Variants in ARHGEF2 observed in about 807,000 individuals in gnomAD.
ARHGEF2 encodes Rho/Rac guanine nucleotide exchange factor 2.
ARHGEF2 carries 22 observed loss-of-function variants against 121.0 expected under a neutral mutation model. That is an observed-to-expected ratio of 0.18 (90% CI 0.13 to 0.26). The LOEUF (loss-of-function observed/expected upper bound fraction) is 0.26. ARHGEF2 is among the 10% of genes least tolerant of loss of function. ARHGEF2 has a pLI of 1.00. For missense variants in ARHGEF2, 907 were observed against 1,336.0 expected, an observed-to-expected ratio of 0.68 and a Z score of 5.01; for synonymous variants, 487 against 530.0, an observed-to-expected ratio of 0.92 and a Z score of 1.11.
rs1486098118 is a variant in ARHGEF2, at chr1:155,966,403, C to T, written c.340+13G>A. 2 of 1,614,032 alleles carry T rather than the reference C, an allele frequency of 1.2e-6. No individual in the cohort carries two copies. Among genetic ancestry groups the T allele is most frequent in the East Asian group, 2.2e-5 (1 of 44,888 alleles). ...GGGTCTTAGGGGACCTCCTCCACTC[C>T]CCAACTACTCACTCTTACTTCGAAG... On this transcript the variant is annotated intron_variant, in intron 4 of 21. Transcript: ENST00000361247.
rs753965944 is a variant in ARHGEF2, at chr1:155,965,695, C to T, written c.406G>A (p.Gly136Ser). 3.1e-5 allele frequency: 50 copies of T among 1,607,480 alleles called. No homozygotes were observed. The highest frequency in any genetic ancestry group is 4.1e-5 in the Non-Finnish European group (48 of 1,178,442). The change falls in exon 5 of 22, where the codon GGC becomes AGC. Residue 136 changes from glycine (G) to serine (S), a missense_variant. By Grantham distance (56) the Gly-to-Ser change is moderately conservative. Coordinates refer to ENST00000361247, the MANE Select transcript of ARHGEF2 (RefSeq NM_001162383.2). The surrounding 1 kb of genome is among the most constrained non-coding windows in gnomAD (Gnocchi z 6.0). ...AAGGAGGAGCGGCCACGGCGGGAGC[C>T]CAGGAGGGACTGCCGGAAGCTGTCG... is the stretch of plus-strand genomic sequence containing the variant. Reference protein sequence around the residue: ...PSDSFRQSLLGSRRGRSSLSL... With the variant: ...PSDSFRQSLLSSRRGRSSLSL...
rs1181488305 is a variant in ARHGEF2 at position 155,965,791 on chromosome 1, A to T, written c.341-31T>A. On this transcript the variant is annotated intron_variant, in intron 4 of 21. Transcript: ENST00000361247. The surrounding 1 kb of genome is among the most constrained non-coding windows in gnomAD (Gnocchi z 6.0). ...GGGGAGAGATGCCCAGCAGGCAAAC[A>T]TCAGACTCTGGTGCTTCCCAGGATT... The T allele has an allele frequency of 6.4e-7, 1 of 1,573,116 alleles. No homozygotes were observed. Among genetic ancestry groups the T allele is most frequent in the South Asian group, 1.2e-5 (1 of 86,188 alleles).
At chr1:155,957,136 C>G (rs1676859447) in intron 13 of ARHGEF2, among the ~76,000 whole-genome samples, 2 of 151,990 alleles carry the variant, frequency 1.3e-5, no homozygotes, top group African/African-American at 2.4e-5. Context: ...TTTTAAACAT[C>G]TTACCTGTGC....
In ARHGEF2 at chr1:155,962,704, A is replaced by C. The variant is rs1387347074; in HGVS notation, c.990T>G (p.Ser330Arg). 13 of 1,613,998 alleles carry C rather than the reference A, an allele frequency of 8.1e-6. No homozygotes were observed. Among genetic ancestry groups the C allele is most frequent in the Non-Finnish European group, 1.0e-5 (12 of 1,180,016 alleles). ...DLLISQFSGPSAEQMCKTYSE... is the reference protein window; with the variant it reads ...DLLISQFSGPRAEQMCKTYSE... ...AGTAGGTCTTACACATCTGCTCCGC[A>C]CTAGGACCTGAGAACTAGAAGTTGG... The change falls in exon 9 of 22, where the codon AGT becomes AGG. Residue 330 changes from serine (S) to arginine (R), a missense_variant. By Grantham distance (110) the Ser-to-Arg change is moderately radical (BLOSUM62 -1). Around this residue, in one of 2 missense-constraint regions of ARHGEF2, gnomAD observed 475 missense variants for 776.5 expected, o/e 0.61. Coordinates refer to ENST00000361247, the MANE Select transcript of ARHGEF2 (RefSeq NM_001162383.2). This position sits in a 1 kb window ranked among gnomAD's most constrained non-coding sequence, Gnocchi z 5.8.
chr1:155,964,745 C>A (rs1315688648), intron 7 of ARHGEF2, among the ~76,000 whole-genome samples: 2 of 151,906 alleles, frequency 1.3e-5, no homozygotes, highest in African/African-American at 4.8e-5. Flanking sequence ...CATGGTGAAA[C>A]CCCGTCTCTA....
At chr1:155,979,108 A>T, upstream of ARHGEF2, 1 of 985,580 alleles carries the variant, frequency 1.0e-6, no homozygotes. Flanking sequence ...TCTTCAGTAC[A>T]CGGGAAGGGT....
At chr1:155,964,144 C>CAAAAAA (rs71576039) in intron 7 of ARHGEF2, among the ~76,000 whole-genome samples, 10 of 55,764 alleles carry the variant, frequency 1.8e-4, no homozygotes, top group South Asian at 1.5e-3. Context: ...GACTCTGCTT[C>CAAAAAA]AAAAAAAAAA....
rs1679397737 is a variant in ARHGEF2, at chr1:155,966,495, C to G, written c.277-16G>C. On this transcript the variant is annotated splice_polypyrimidine_tract_variant and intron_variant, in intron 3 of 21. Transcript: ENST00000361247. Reference sequence around the variant, plus strand: ...CTTTCTGTTGCTGTGAGACAGAGAGCAGGAGAGAGATACCAAGAATGGCTG... The same window carrying G: ...CTTTCTGTTGCTGTGAGACAGAGAGGAGGAGAGAGATACCAAGAATGGCTG... 1 of 1,613,888 alleles carries G rather than the reference C, an allele frequency of 6.2e-7. No homozygotes were observed. Among genetic ancestry groups the G allele is most frequent in the African/African-American group, 1.3e-5 (1 of 74,892 alleles).
chr1:155,970,457 C>T (rs965976969), intron 1 of ARHGEF2: 7 of 985,334 alleles, frequency 7.1e-6, no homozygotes, highest in Admixed American at 1.2e-4. Context: ...CTGGATTTTC[C>T]CTCCGCTCTT....
chr1:155,951,143 G>A lies in ARHGEF2; in HGVS notation c.2389C>T (p.Pro797Ser). 6.2e-7 allele frequency: 1 copy of A among 1,604,254 alleles called. No individual in the cohort carries two copies. Among genetic ancestry groups the A allele is most frequent in the Non-Finnish European group, 8.5e-7 (1 of 1,177,046 alleles). ...AGRAGAAPVA[P>S]EKQATELALL... is the part of the protein sequence containing the mutation. ...GCCAGTTCCGTGGCCTGCTTTTCAGGGGCCACAGGGGCAGCCCCAGCCCTG... is the reference window on the plus strand; with the variant it reads ...GCCAGTTCCGTGGCCTGCTTTTCAGAGGCCACAGGGGCAGCCCCAGCCCTG... Residue 797 changes from proline to serine, a missense_variant, in exon 20 of 22, where the codon CCT becomes TCT. Pro to Ser is a moderately conservative substitution (Grantham distance 74, BLOSUM62 -1). Around this residue, in one of 2 missense-constraint regions of ARHGEF2, gnomAD observed 432 missense variants for 559.5 expected, o/e 0.77. Coordinates refer to ENST00000361247, the MANE Select transcript of ARHGEF2 (RefSeq NM_001162383.2). The surrounding 1 kb of genome is among the most constrained non-coding windows in gnomAD (Gnocchi z 5.1).
In ARHGEF2 at chr1:155,947,203, C is replaced by T. The variant is rs1211690991; in HGVS notation, c.*739G>A. The T allele has an allele frequency of 1.6e-5, 6 of 368,796 alleles. No homozygotes were observed. Among genetic ancestry groups the T allele is most frequent in the East Asian group, 7.3e-5 (1 of 13,750 alleles). The allele number at this position is 368,796 out of a possible 1,614,324, so 22.8% of individuals were successfully genotyped here. A position where few individuals can be genotyped will look rare whatever the true frequency, so the allele number is the denominator to read the frequency against. Reference sequence around the variant, plus strand: ...GGAGGCTTCGATCTCTAATTGCCTACGATCTCTTAAAAATATAAAACACGT... The same window carrying T: ...GGAGGCTTCGATCTCTAATTGCCTATGATCTCTTAAAAATATAAAACACGT... On this transcript the variant is annotated 3_prime_UTR_variant, in exon 22 of 22. Transcript: ENST00000361247.
intron 12 of ARHGEF2, 135 bp from the exon 13 acceptor site, chr1:155,958,017 G>T: frequency 1.1e-6 from 1 of 898,238 alleles, no homozygotes; most frequent in Non-Finnish European, 1.7e-6. Flanking sequence ...CCAGGCACTG[G>T]TGCCAGCCAG....
chr1:155,977,790 C>T (rs1681559653), intron 1 of ARHGEF2, among the ~76,000 whole-genome samples: 1 of 151,722 alleles, frequency 6.6e-6, no homozygotes, highest in African/African-American at 2.4e-5. Flanking sequence ...AGAACTGAAT[C>T]ACAGCTGGAA....
chr1:155,973,884 G>A (rs1228638863), intron 1 of ARHGEF2, among the ~76,000 whole-genome samples: 4 of 152,166 alleles, frequency 2.6e-5, no homozygotes, highest in Admixed American at 1.3e-4. Context: ...AAGGGATGAG[G>A]AAACAGTGAC....
chr1:155,977,095 G>T lies in ARHGEF2; in HGVS notation c.63+1270C>A, dbSNP rs141357533. Among the ~76,000 whole-genome samples, 38 of 152,202 alleles carry T rather than the reference G, an allele frequency of 2.5e-4. No individual in the cohort carries two copies. The East Asian group carries it at 6.6e-3, about 26-fold the overall frequency. ...CCATCACCCTTAAGGACTCCTAAGGGGTACTGCTCCCTTGGCTGAAGTTGG... is the reference window on the plus strand; with the variant it reads ...CCATCACCCTTAAGGACTCCTAAGGTGTACTGCTCCCTTGGCTGAAGTTGG... On this transcript the variant is annotated intron_variant, in intron 1 of 21. Coordinates refer to ENST00000361247, the MANE Select transcript of ARHGEF2 (RefSeq NM_001162383.2).
chr1:155,979,155 A>G, upstream of ARHGEF2: 1 of 985,482 alleles, frequency 1.0e-6, no homozygotes, highest in Non-Finnish European at 1.2e-6. Flanking sequence ...CAGAGAGGAG[A>G]GAATTCTCCC....
Position 155,968,970 on chromosome 1 carries a change from C to T in ARHGEF2, c.208+186G>A, listed in dbSNP as rs549672655. On this transcript the variant is annotated intron_variant, in intron 2 of 21. Coordinates refer to ENST00000361247, the MANE Select transcript of ARHGEF2 (RefSeq NM_001162383.2). ...AGATAGTCCGGCTTATGCCATATTCCAACAGCCACCACCCCTCAGAGTGAG... is the reference window on the plus strand; with the variant it reads ...AGATAGTCCGGCTTATGCCATATTCTAACAGCCACCACCCCTCAGAGTGAG... 221 of 673,758 alleles carry T rather than the reference C, an allele frequency of 3.3e-4. 1 individual carries two copies. Among genetic ancestry groups the T allele is most frequent in the Non-Finnish European group, 5.0e-4 (202 of 404,318 alleles). The allele number at this position is 673,758 out of a possible 1,614,324, so 41.7% of individuals were successfully genotyped here.
In ARHGEF2 at chr1:155,951,196, C is replaced by G. The variant is rs765544432; in HGVS notation, c.2336G>C (p.Arg779Pro). Residue 779 changes from arginine to proline, a missense_variant, in exon 20 of 22, where the codon CGA becomes CCA. Arg to Pro is a moderately radical substitution (Grantham distance 103). This residue lies in a region of ARHGEF2 where 432 missense variants were observed against 559.5 expected (regional missense o/e 0.77). Transcript: ENST00000361247. The surrounding 1 kb of genome is among the most constrained non-coding windows in gnomAD (Gnocchi z 5.1). Reference sequence around the variant, plus strand: ...AGCCTCCCCATCCCGAGAGTTGGCTCGGCACAGCTTCTCCCGCCGCTCAGG... The same window carrying G: ...AGCCTCCCCATCCCGAGAGTTGGCTGGGCACAGCTTCTCCCGCCGCTCAGG... ...EGPERREKLC[R>P]ANSRDGEAGR... The G allele has an allele frequency of 6.2e-7, 1 of 1,607,898 alleles. No homozygotes were observed. Among genetic ancestry groups the G allele is most frequent in the Non-Finnish European group, 8.5e-7 (1 of 1,178,400 alleles).
At chr1:155,966,920 G>A (rs1377072108) in intron 2 of ARHGEF2, 33 bp from the exon 3 acceptor site, 1 of 1,601,788 alleles carries the variant, frequency 6.2e-7, no homozygotes. Flanking sequence ...GTGAAGGGAG[G>A]GCCGGGTGGT....
Sources: allele counts gnomAD v4.1 joint callset (sites outside exome capture counted in the v4.1 genomes callset), GRCh38; gene constraint gnomAD v4.1.1; regional missense constraint gnomAD v4.1.1; non-coding constraint Gnocchi (gnomAD v3.1); transcripts MANE v1.5; gene names NCBI Gene and HGNC (gene_info 2026-07-23, HGNC 2026-07-21).